The following CNTNAP5 variants were observed in gnomAD, a reference collection of about 807,000 sequenced individuals.
CNTNAP5 encodes contactin associated protein family member 5.
CNTNAP5 carries 72 observed loss-of-function variants against 150.2 expected under a neutral mutation model. The observed-to-expected ratio is 0.48, with a 90% CI of 0.40 to 0.58. The LOEUF is 0.58. Ranked by LOEUF, CNTNAP5 falls within the 20% of genes least tolerant of loss-of-function variation. The pLI is 0.00. For synonymous variants in CNTNAP5, 672 were observed against 619.8 expected, an observed-to-expected ratio of 1.08 and a Z score of -1.25; for missense variants, 1,636 against 1,626.2, an observed-to-expected ratio of 1.01 and a Z score of -0.10.
chr2:124,638,703 A>T (rs764271228), intron 12 of CNTNAP5, among the ~76,000 whole-genome samples: 1 of 152,074 alleles, frequency 6.6e-6, no homozygotes, highest in Admixed American at 6.6e-5. Context: ...TTAGATAACT[A>T]TTTATATCAG....
intron 3 of CNTNAP5, among the ~76,000 whole-genome samples, chr2:124,405,706 A>G (rs938841563): frequency 4.6e-5 from 7 of 152,200 alleles, no homozygotes; most frequent in Admixed American, 1.3e-4. Flanking sequence ...CAAGAAAAGT[A>G]CTGATCTGGT....
intron 8 of CNTNAP5, among the ~76,000 whole-genome samples, chr2:124,513,123 A>G (rs1337203463): frequency 6.6e-6 from 1 of 152,196 alleles, no homozygotes; most frequent in African/African-American, 2.4e-5. Flanking sequence ...AGTGTCTTAA[A>G]CAACAGACAT....
At chr2:124,909,800 A>G (rs909123380) in intron 22 of CNTNAP5, among the ~76,000 whole-genome samples, 7 of 129,114 alleles carry the variant, frequency 5.4e-5, no homozygotes, top group Non-Finnish European at 1.1e-4. Context: ...TATCATCATT[A>G]TCACCCCATC....
chr2:124,605,871 A>G (rs962767067), intron 11 of CNTNAP5, among the ~76,000 whole-genome samples: 1 of 151,012 alleles, frequency 6.6e-6, no homozygotes, highest in Non-Finnish European at 1.5e-5. Flanking sequence ...AAGAATTATT[A>G]TATTTAACTT....
At chr2:124,197,976 C>CA (rs35172247) in intron 1 of CNTNAP5, among the ~76,000 whole-genome samples, 37,106 of 144,598 alleles carry the variant, frequency 0.26, 4,791 homozygotes, top group South Asian at 0.47. Flanking sequence ...GACTCTGTCT[C>CA]AAAAAAAAAA....
At chr2:124,807,149 C>G (rs554992049) in intron 19 of CNTNAP5, among the ~76,000 whole-genome samples, 3 of 152,238 alleles carry the variant, frequency 2.0e-5, no homozygotes, top group South Asian at 2.1e-4. Flanking sequence ...AGGGCTTATT[C>G]GGTTCTCTGT....
intron 11 of CNTNAP5, among the ~76,000 whole-genome samples, chr2:124,608,891 C>T (rs943719901): frequency 6.6e-6 from 1 of 151,582 alleles, no homozygotes; most frequent in African/African-American, 2.4e-5. Flanking sequence ...TTGTAGTGAG[C>T]CAAGATCAAG....
intron 7 of CNTNAP5, among the ~76,000 whole-genome samples, chr2:124,499,184 T>G (rs1427700710): frequency 2.6e-5 from 4 of 152,192 alleles, no homozygotes; most frequent in African/African-American, 9.7e-5. Flanking sequence ...AACAAGAATC[T>G]AGTTCTGCCT....
At chr2:124,248,063 C>A (rs1033681669) in intron 3 of CNTNAP5, among the ~76,000 whole-genome samples, 17 of 152,144 alleles carry the variant, frequency 1.1e-4, no homozygotes, top group South Asian at 6.2e-4. Flanking sequence ...TTAATGGAGA[C>A]CACCAATGCA....
chr2:124,634,895 C>T (rs1277783010), intron 12 of CNTNAP5, among the ~76,000 whole-genome samples: 2 of 152,118 alleles, frequency 1.3e-5, no homozygotes, highest in Non-Finnish European at 2.9e-5. Flanking sequence ...TTTAACAAGT[C>T]TCTAGGAAGT....
intron 3 of CNTNAP5, among the ~76,000 whole-genome samples, chr2:124,279,662 G>C (rs992038547): frequency 6.6e-6 from 1 of 152,124 alleles, no homozygotes; most frequent in African/African-American, 2.4e-5. Flanking sequence ...AGGGAATGAT[G>C]CATATTGACT....
chr2:124,240,835 A>C (rs528872893), intron 2 of CNTNAP5, among the ~76,000 whole-genome samples: 1 of 152,266 alleles, frequency 6.6e-6, no homozygotes, highest in South Asian at 2.1e-4. Context: ...TCTGCATTGC[A>C]GTCCTGTACT....
At chr2:124,474,926 TG>T in intron 7 of CNTNAP5, 44 bp downstream of exon 7, 1 of 1,556,928 alleles carries the variant, frequency 6.4e-7, no homozygotes, top group East Asian at 2.3e-5. Context: ...TCTACCACTT[TG>T]GGGTAAGTCT....
intron 3 of CNTNAP5, among the ~76,000 whole-genome samples, chr2:124,331,986 A>AT (rs1160720846): frequency 6.6e-6 from 1 of 151,888 alleles, no homozygotes; most frequent in Non-Finnish European, 1.5e-5. Flanking sequence ...TTCATAAATA[A>AT]TTTCCTTTTA....
intron 7 of CNTNAP5, among the ~76,000 whole-genome samples, chr2:124,503,040 G>T (rs1449910274): frequency 2.0e-5 from 3 of 152,200 alleles, no homozygotes; most frequent in Admixed American, 6.5e-5. Context: ...GCACGGTGGG[G>T]ATGATATATA....
intron 13 of CNTNAP5, among the ~76,000 whole-genome samples, chr2:124,744,945 TG>T (rs1269158365): frequency 6.6e-6 from 1 of 152,222 alleles, no homozygotes; most frequent in African/African-American, 2.4e-5. Flanking sequence ...CATAATTTTT[TG>T]TTCTCTCTCT....
At chr2:124,564,405 G>A (rs1236234632) in intron 11 of CNTNAP5, among the ~76,000 whole-genome samples, 1 of 152,086 alleles carries the variant, frequency 6.6e-6, no homozygotes, top group Non-Finnish European at 1.5e-5. Flanking sequence ...GCCCAGGCTG[G>A]AGTCCAGTGG....
intron 11 of CNTNAP5, among the ~76,000 whole-genome samples, chr2:124,569,770 G>A (rs1696110686): frequency 6.6e-6 from 1 of 152,184 alleles, no homozygotes. Context: ...CAAGCCTGAT[G>A]TAGTGCTTCT....
rs763830718 is a variant in CNTNAP5 at position 124,914,146 on chromosome 2, G to A, written c.3782G>A (p.Arg1261Gln). The change falls in exon 24 of 24, where the codon CGG becomes CAG. Residue 1261 changes from arginine (R) to glutamine (Q), a missense_variant. Arg to Gln is a conservative substitution (Grantham distance 43). Transcript: ENST00000682447. ...TTCTGTATCATCGGCATCATGACCCGGTTCCTCTACCAGCACAAGCAGTCA... is the reference window on the plus strand; with the variant it reads ...TTCTGTATCATCGGCATCATGACCCAGTTCCTCTACCAGCACAAGCAGTCA... ...IIFCIIGIMT[R>Q]FLYQHKQSHR... The A allele has an allele frequency of 4.3e-6, 7 of 1,612,298 alleles. No individual in the cohort carries two copies. Among genetic ancestry groups the A allele is most frequent in the East Asian group, 4.5e-5 (2 of 44,792 alleles).
Sources: gnomAD v4.1 joint callset for allele counts (sites outside exome capture counted in the v4.1 genomes callset) on GRCh38, gnomAD v4.1.1 for gene constraint, MANE v1.5 for transcripts, NCBI Gene and HGNC (gene_info 2026-07-23, HGNC 2026-07-21) for gene names.